Variants in YWHAE observed in about 807,000 individuals in gnomAD.
YWHAE encodes tyrosine 3-monooxygenase/tryptophan 5-monooxygenase activation protein epsilon.
Under a neutral mutation model 30.1 loss-of-function variants are expected in YWHAE, and 4 were observed. The ratio of observed to expected loss-of-function variants is 0.13; its 90% CI spans 0.07 to 0.30. YWHAE has a LOEUF of 0.30. Among genes scored for constraint, YWHAE ranks in the 10% least tolerant of loss-of-function variants. The probability of loss-of-function intolerance (pLI) is 1.00; values close to 1 mark genes in which losing one functional copy is unlikely to be tolerated. For synonymous variants in YWHAE, 118 were observed against 111.8 expected (o/e 1.06, Z -0.35); for missense variants, 121 against 315.9 (o/e 0.38, Z 4.68).
chr17:1,363,248 G>C (rs902548816), intron 2 of YWHAE, among the ~76,000 whole-genome samples: 2 of 151,952 alleles, frequency 1.3e-5, no homozygotes, highest in African/African-American at 4.8e-5. Context: ...CAGGACATCT[G>C]GACTCTTTAT....
rs764350459 is a variant in YWHAE, at chr17:1,362,011, A to G, written c.265-3T>C. The G allele has an allele frequency of 1.3e-4, 87 of 677,200 alleles. 1 individual carries two copies. In the African/African-American group the frequency reaches 2.0e-3, roughly 15 times the overall value. 41.9% of individuals were successfully genotyped at this position (677,200 alleles called of 1,614,324 possible). On this transcript the variant is annotated splice_region_variant and splice_polypyrimidine_tract_variant and intron_variant, in intron 2 of 5. Coordinates refer to ENST00000264335, the MANE Select transcript of YWHAE (RefSeq NM_006761.5). ...ATTAACTTTAGCTCAGTCTCAACCT[A>G]AAAAAAAAAAAATTTTTTTTAAATC...
At position 1,345,351 on chromosome 17, in the gene YWHAE, C is replaced by A. The variant is rs2072498172; in HGVS notation, c.*96G>T. The A allele has an allele frequency of 1.6e-6, 2 of 1,218,328 alleles. No homozygotes were observed. The highest frequency in any genetic ancestry group is 1.3e-5 in the South Asian group (1 of 77,224). The allele number at this position is 1,218,328 out of a possible 1,614,324, so 75.5% of individuals were successfully genotyped here. On this transcript the variant is annotated 3_prime_UTR_variant, in exon 6 of 6. Transcript: ENST00000264335. The stretch of plus-strand genomic sequence containing the variant: ...AAATTCTGAGACCAAATGTAAAAGT[C>A]AGATTTGGTGGTTCTCAGTGACAAT...
At chr17:1,385,060 T>C (rs1410234812) in intron 1 of YWHAE, among the ~76,000 whole-genome samples, 5 of 149,908 alleles carry the variant, frequency 3.3e-5, no homozygotes, top group South Asian at 2.1e-4. Context: ...GCAGTGGCTA[T>C]TCACAGGCAT....
intron 4 of YWHAE, 101 bp from the exon 5 acceptor site, chr17:1,354,448 T>A: frequency 8.4e-7 from 1 of 1,194,382 alleles, no homozygotes; most frequent in East Asian, 2.4e-5. Flanking sequence ...TTCCAGTTTG[T>A]AATAGTCACA....
chr17:1,389,841 T>TTTTC (rs1210674309), intron 1 of YWHAE, among the ~76,000 whole-genome samples: 1 of 150,258 alleles, frequency 6.7e-6, no homozygotes, highest in South Asian at 2.1e-4. Flanking sequence ...ATTATTTACA[T>TTTTC]TTTCTTTCTT....
In YWHAE at chr17:1,345,369, G is replaced by A. The variant is rs2072498347; in HGVS notation, c.*78C>T. On this transcript the variant is annotated 3_prime_UTR_variant, in exon 6 of 6. Coordinates refer to ENST00000264335, the MANE Select transcript of YWHAE (RefSeq NM_006761.5). ...TAAAAGTCAGATTTGGTGGTTCTCA[G>A]TGACAATGGGGAGTTTCCAAAGGGT... is the stretch of plus-strand genomic sequence containing the variant. 7.0e-7 allele frequency: 1 copy of A among 1,435,416 alleles called. No individual in the cohort carries two copies. The highest frequency in any genetic ancestry group is 1.4e-5 in the African/African-American group (1 of 70,768). The allele number at this position is 1,435,416 out of a possible 1,614,324, so 88.9% of individuals were successfully genotyped here. A position where few individuals can be genotyped will look rare whatever the true frequency, so the allele number is the denominator to read the frequency against.
intron 4 of YWHAE, among the ~76,000 whole-genome samples, chr17:1,357,286 C>G (rs2072764785): frequency 1.3e-5 from 2 of 151,714 alleles, no homozygotes; most frequent in Admixed American, 6.6e-5. Flanking sequence ...GCCTGTAGTC[C>G]CAGCTACTCG....
intron 1 of YWHAE, among the ~76,000 whole-genome samples, chr17:1,379,399 C>CAACT (rs1489852157): frequency 6.6e-6 from 1 of 152,032 alleles, no homozygotes; most frequent in Admixed American, 6.6e-5. Context: ...GTGGGTGGAT[C>CAACT]AACTGAGCCC....
intron 5 of YWHAE, among the ~76,000 whole-genome samples, chr17:1,350,727 C>A (rs1366253311): frequency 6.6e-6 from 1 of 151,554 alleles, no homozygotes. Context: ...CAGGCATGAG[C>A]CACTGTGCCC....
chr17:1,393,722 G>A (rs1486150335), intron 1 of YWHAE, among the ~76,000 whole-genome samples: 5 of 152,138 alleles, frequency 3.3e-5, no homozygotes, highest in Non-Finnish European at 4.4e-5. Context: ...TTTGAGCCGC[G>A]GAACCCGGCT....
chr17:1,351,655 G>A (rs1406717666), intron 5 of YWHAE, among the ~76,000 whole-genome samples: 1 of 152,016 alleles, frequency 6.6e-6, no homozygotes, highest in Non-Finnish European at 1.5e-5. Flanking sequence ...CTGAAGAGAT[G>A]GCATCTCGTT....
At position 1,392,767 on chromosome 17, in the gene YWHAE, T is replaced by C. The variant is rs190655639; in HGVS notation, c.64+7280A>G. ...CGGGAGGCTGAGGCAGGAGAATCAC[T>C]TGAGCCCAGGAGGCGGAGGCTGCAG... On this transcript the variant is annotated intron_variant, in intron 1 of 5. Coordinates refer to ENST00000264335, the MANE Select transcript of YWHAE (RefSeq NM_006761.5). 5.5e-4 allele frequency among the ~76,000 whole-genome samples: 84 copies of C among 151,952 alleles called. 1 individual carries two copies. The East Asian group carries it at 0.015, about 26-fold the overall frequency.
chr17:1,359,093 G>A (rs1055030378), intron 4 of YWHAE, among the ~76,000 whole-genome samples: 11 of 150,228 alleles, frequency 7.3e-5, no homozygotes, highest in Admixed American at 2.0e-4. Context: ...CCAAGATCAC[G>A]CCACTGCACT....
At chr17:1,389,346 G>C (rs986734003) in intron 1 of YWHAE, among the ~76,000 whole-genome samples, 1 of 152,158 alleles carries the variant, frequency 6.6e-6, no homozygotes, top group African/African-American at 2.4e-5. Context: ...AAAGTCTTCA[G>C]CTGACTAACC....
At chr17:1,376,187 A>G (rs1264962710) in intron 1 of YWHAE, among the ~76,000 whole-genome samples, 1 of 152,194 alleles carries the variant, frequency 6.6e-6, no homozygotes, top group East Asian at 1.9e-4. Context: ...ATGCATCTGT[A>G]CGAGGATCCT....
At chr17:1,387,868 C>T (rs996871719) in intron 1 of YWHAE, among the ~76,000 whole-genome samples, 6 of 151,394 alleles carry the variant, frequency 4.0e-5, no homozygotes, top group Non-Finnish European at 8.8e-5. Context: ...TCAGGTGATC[C>T]ACCCTTCTTG....
chr17:1,396,756 G>C lies in YWHAE; in HGVS notation c.64+3291C>G, dbSNP rs1015964137. ...TTCTCCTGCCTCCGCCTCCCAAGTAGCTGGGATTACAGGCACCCACCACCC... is the reference window on the plus strand; with the variant it reads ...TTCTCCTGCCTCCGCCTCCCAAGTACCTGGGATTACAGGCACCCACCACCC... On this transcript the variant is annotated intron_variant, in intron 1 of 5. Coordinates refer to ENST00000264335, the MANE Select transcript of YWHAE (RefSeq NM_006761.5). 2.0e-5 allele frequency among the ~76,000 whole-genome samples: 3 copies of C among 152,174 alleles called. 1 individual carries two copies. Among genetic ancestry groups the C allele is most frequent in the African/African-American group, 7.2e-5 (3 of 41,504 alleles).
chr17:1,359,087 G>A (rs1224108971), intron 4 of YWHAE, among the ~76,000 whole-genome samples: 1 of 151,620 alleles, frequency 6.6e-6, no homozygotes, highest in Non-Finnish European at 1.5e-5. Flanking sequence ...AGTGGGCCAA[G>A]ATCACGCCAC....
At chr17:1,359,812 T>TTGTGTGTGTGTGTGTG (rs59650315) in intron 4 of YWHAE, among the ~76,000 whole-genome samples, 3 of 130,622 alleles carry the variant, frequency 2.3e-5, no homozygotes, top group African/African-American at 6.0e-5. Context: ...CACTAAATTG[T>TTGTGTGTGTGTGTGTG]TGTGTGTGTG....
Sources: gnomAD v4.1 joint callset for allele counts (sites outside exome capture counted in the v4.1 genomes callset) on GRCh38, gnomAD v4.1.1 for gene constraint, MANE v1.5 for transcripts, NCBI Gene and HGNC (gene_info 2026-07-23, HGNC 2026-07-21) for gene names.